The following PEBP4 variants were observed in gnomAD, a reference collection of about 807,000 sequenced individuals.
The protein encoded by PEBP4 is phosphatidylethanolamine binding protein 4, also known as phosphatidylethanolamine-binding protein 4.
PEBP4 carries 22 observed loss-of-function variants against 23.9 expected under a neutral mutation model. That is an observed-to-expected ratio of 0.92 (90% CI 0.66 to 1.31). The LOEUF is 1.31. Ranked by LOEUF, PEBP4 falls within the 40% of genes most tolerant of loss-of-function variation. PEBP4 has a pLI of 0.00. For missense variants in PEBP4, 324 were observed against 281.7 expected (o/e 1.15, Z -1.07); for synonymous variants, 112 against 99.3 (o/e 1.13, Z -0.76).
chr8:22,888,238 C>T (rs1313225420), intron 3 of PEBP4, among the ~76,000 whole-genome samples: 3 of 151,440 alleles, frequency 2.0e-5, no homozygotes, highest in Non-Finnish European at 2.9e-5. Context: ...ACTGCAACCT[C>T]CACCTCCCAG....
At chr8:22,833,334 C>T (rs1248854716) in intron 3 of PEBP4, among the ~76,000 whole-genome samples, 2 of 152,134 alleles carry the variant, frequency 1.3e-5, no homozygotes, top group African/African-American at 2.4e-5. Flanking sequence ...GGCATGATCC[C>T]TCTTTCTGTT....
At chr8:22,817,616 A>T (rs1339098156) in intron 4 of PEBP4, 21 bp downstream of exon 4, 2 of 1,598,952 alleles carry the variant, frequency 1.3e-6, no homozygotes, top group African/African-American at 2.7e-5. Flanking sequence ...TGCGTCAGAG[A>T]GTGCCTCTTG....
rs993050843 is a variant in PEBP4, at chr8:22,910,812, T to A, written c.258+9372A>T. Among the ~76,000 whole-genome samples, 3 of 152,064 alleles carry A rather than the reference T, an allele frequency of 2.0e-5. No individual in the cohort carries two copies. The South Asian group carries it at 6.2e-4, about 31-fold the overall frequency. The stretch of plus-strand genomic sequence containing the variant: ...GGTTGCCAGAGGTTAGAGGGAGGCA[T>A]GAATAGGTGAAGCACGGAGGATTTT... On this transcript the variant is annotated intron_variant, in intron 3 of 6. Transcript: ENST00000256404.
chr8:22,719,681 C>T (rs926485702), intron 6 of PEBP4, among the ~76,000 whole-genome samples: 2 of 152,182 alleles, frequency 1.3e-5, no homozygotes, highest in African/African-American at 4.8e-5. Context: ...TGTGGACGCC[C>T]TTGGTAAGTC....
intron 3 of PEBP4, among the ~76,000 whole-genome samples, chr8:22,882,829 C>G (rs1808292066): frequency 6.6e-6 from 1 of 152,120 alleles, no homozygotes; most frequent in Non-Finnish European, 1.5e-5. Flanking sequence ...CCAAACCACC[C>G]CAGGGTGGGT....
intron 3 of PEBP4, among the ~76,000 whole-genome samples, chr8:22,916,487 C>T (rs77160049): frequency 6.6e-6 from 1 of 152,208 alleles, no homozygotes; most frequent in Non-Finnish European, 1.5e-5. Context: ...TGCTTCCCCA[C>T]CCACCCCCCA....
chr8:22,794,627 T>G (rs970253469), intron 4 of PEBP4, among the ~76,000 whole-genome samples: 4 of 152,210 alleles, frequency 2.6e-5, no homozygotes, highest in Admixed American at 6.5e-5. Flanking sequence ...GTGCGTTACG[T>G]GTTAAAGACA....
chr8:22,894,398 C>T (rs575423518), intron 3 of PEBP4, among the ~76,000 whole-genome samples: 1 of 152,054 alleles, frequency 6.6e-6, no homozygotes, highest in African/African-American at 2.4e-5. Flanking sequence ...ATGGTAAGAC[C>T]CTGTCTCTAC....
At chr8:22,914,670 T>G (rs909386153) in intron 3 of PEBP4, among the ~76,000 whole-genome samples, 1 of 152,220 alleles carries the variant, frequency 6.6e-6, no homozygotes, top group Non-Finnish European at 1.5e-5. Flanking sequence ...CCACGCCTGC[T>G]GGAACACTGA....
At chr8:22,837,913 T>G (rs1226438571) in intron 3 of PEBP4, among the ~76,000 whole-genome samples, 1 of 144,672 alleles carries the variant, frequency 6.9e-6, no homozygotes, top group Non-Finnish European at 1.5e-5. Context: ...TTTTTTTTTT[T>G]TTTGAGACAG....
At position 22,938,886 on chromosome 8, in the gene PEBP4, C is replaced by A. The variant is rs1256461684; in HGVS notation, c.145-11166G>T. On this transcript the variant is annotated intron_variant, in intron 1 of 1. Transcript: ENST00000522278. The stretch of plus-strand genomic sequence containing the variant: ...ATAGCAGATGCTTAATAAATCGTTA[C>A]ATAAATAAGCACGCACATATAAAAA... Among the ~76,000 whole-genome samples, 4 of 152,296 alleles carry A rather than the reference C, an allele frequency of 2.6e-5. No individual in the cohort carries two copies. The East Asian group carries it at 7.7e-4, about 29-fold the overall frequency.
chr8:22,738,684 A>G (rs530072786), intron 4 of PEBP4, among the ~76,000 whole-genome samples: 2 of 152,258 alleles, frequency 1.3e-5, no homozygotes, highest in East Asian at 3.9e-4. Flanking sequence ...ACATGCTCAC[A>G]TCCACACTCT....
At chr8:22,905,910 G>T (rs1263723227) in intron 3 of PEBP4, among the ~76,000 whole-genome samples, 1 of 152,184 alleles carries the variant, frequency 6.6e-6, no homozygotes, top group Non-Finnish European at 1.5e-5. Flanking sequence ...GGATGGGAGC[G>T]CCAGATGTAT....
intron 3 of PEBP4, among the ~76,000 whole-genome samples, chr8:22,888,673 T>C (rs1323801837): frequency 6.6e-6 from 1 of 152,248 alleles, no homozygotes; most frequent in African/African-American, 2.4e-5. Flanking sequence ...AAACCATTAA[T>C]TTCATGCTAT....
rs1239223358 is a variant in PEBP4 at position 22,881,826 on chromosome 8, G to A, written c.258+38358C>T. ...ACGCTCCATTACTACTTGTGTGGCC[G>A]TGAGCAGGTGGGGACTATTGACTTA... On this transcript the variant is annotated intron_variant, in intron 3 of 6. Transcript: ENST00000256404. 2.6e-5 allele frequency among the ~76,000 whole-genome samples: 4 copies of A among 152,240 alleles called. 1 individual carries two copies. Among genetic ancestry groups the A allele is most frequent in the South Asian group, 4.1e-4 (2 of 4,834 alleles).
chr8:22,729,672 C>T (rs1804692516), intron 4 of PEBP4, among the ~76,000 whole-genome samples: 1 of 152,240 alleles, frequency 6.6e-6, no homozygotes, highest in Non-Finnish European at 1.5e-5. Context: ...CCTAGCCACC[C>T]AGCAGATCCT....
At chr8:22,791,299 T>C (rs988143569) in intron 4 of PEBP4, among the ~76,000 whole-genome samples, 2 of 152,130 alleles carry the variant, frequency 1.3e-5, no homozygotes, top group African/African-American at 2.4e-5. Context: ...CAGTCTTCTT[T>C]CCTCACCCGC....
chr8:22,719,466 G>GCCC (rs1428104508), intron 6 of PEBP4, among the ~76,000 whole-genome samples: 2 of 152,224 alleles, frequency 1.3e-5, no homozygotes, highest in African/African-American at 4.8e-5. Flanking sequence ...CTCAGCCACA[G>GCCC]CCAGGGAGGG....
intron 3 of PEBP4, among the ~76,000 whole-genome samples, chr8:22,845,972 C>T (rs1298746279): frequency 6.6e-6 from 1 of 152,230 alleles, no homozygotes; most frequent in Non-Finnish European, 1.5e-5. Context: ...TGGGGTTGGG[C>T]CCGCCTAGGG....
Sources: gnomAD v4.1 joint callset for allele counts (sites outside exome capture counted in the v4.1 genomes callset) on GRCh38, gnomAD v4.1.1 for gene constraint, MANE v1.5 for transcripts, NCBI Gene and HGNC (gene_info 2026-07-23, HGNC 2026-07-21) for gene names.